Variants in PPA1 observed in about 807,000 individuals in gnomAD.
PPA1 encodes the protein inorganic pyrophosphatase.
In PPA1, 23 loss-of-function variants were observed where a neutral mutation model predicts 41.8. That is an observed-to-expected ratio of 0.55 (90% CI 0.40 to 0.78). PPA1 has a LOEUF of 0.78. Among genes scored for constraint, PPA1 ranks in the 30% least tolerant of loss-of-function variants. The pLI is 0.00. For missense variants in PPA1, 320 were observed against 361.6 expected, an observed-to-expected ratio of 0.89 and a Z score of 0.93; for synonymous variants, 101 against 116.8, an observed-to-expected ratio of 0.86 and a Z score of 0.87.
At chr10:70,203,779 AAGG>A (rs1478458516) in intron 10 of PPA1, 1 of 152,402 alleles carries the variant, frequency 6.6e-6, no homozygotes, top group Non-Finnish European at 1.5e-5. Flanking sequence ...TCTGACATCT[AAGG>A]AGGAGAGAAC....
chr10:70,216,955 T>C (rs1289553287), intron 4 of PPA1, among the ~76,000 whole-genome samples: 1 of 152,022 alleles, frequency 6.6e-6, no homozygotes, highest in African/African-American at 2.4e-5. Flanking sequence ...GGATCACAGG[T>C]CAGGAGATCG....
chr10:70,204,559 C>G (rs1839915707), intron 10 of PPA1: 1 of 242,272 alleles, frequency 4.1e-6, no homozygotes, highest in Admixed American at 5.4e-5. Flanking sequence ...TCAAAGGGTA[C>G]CAAGTTTTAG....
chr10:70,203,313 G>T (rs1179390251), intron 10 of PPA1, 127 bp from the exon 11 acceptor site: 3 of 822,000 alleles, frequency 3.6e-6, no homozygotes, highest in Non-Finnish European at 5.8e-6. Context: ...AAATTAACAG[G>T]CATACATACA....
intron 2 of PPA1, among the ~76,000 whole-genome samples, chr10:70,230,054 A>G (rs934710120): frequency 1.6e-4 from 25 of 152,046 alleles, no homozygotes; most frequent in African/African-American, 6.0e-4. Context: ...GACTACAGAC[A>G]CATGCCACCA....
intron 10 of PPA1, 77 bp downstream of exon 10, chr10:70,204,796 A>C (rs1839918921): frequency 8.6e-7 from 1 of 1,157,966 alleles, no homozygotes; most frequent in African/African-American, 1.6e-5. Context: ...ATCATTTGTC[A>C]ACTAAAAATA....
chr10:70,227,511 C>T (rs367587015), intron 2 of PPA1, among the ~76,000 whole-genome samples: 2 of 151,876 alleles, frequency 1.3e-5, no homozygotes, highest in African/African-American at 2.4e-5. Flanking sequence ...ATTAGCTGGG[C>T]GTGGTGGTGT....
intron 5 of PPA1, 21 bp from the exon 6 acceptor site, chr10:70,213,610 T>A: frequency 1.2e-6 from 2 of 1,612,678 alleles, no homozygotes; most frequent in Non-Finnish European, 1.7e-6. Context: ...ATAGCCAAAG[T>A]CAGGACAACA....
intron 2 of PPA1, among the ~76,000 whole-genome samples, chr10:70,229,745 C>T (rs548125265): frequency 7.9e-4 from 120 of 152,202 alleles, no homozygotes; most frequent in Non-Finnish European, 1.4e-3. Context: ...TGAAGTATTA[C>T]GACTTTAGTT....
chr10:70,232,639 A>T (rs1343624443), intron 1 of PPA1, among the ~76,000 whole-genome samples: 1 of 152,186 alleles, frequency 6.6e-6, no homozygotes, highest in Non-Finnish European at 1.5e-5. Flanking sequence ...TTTCTGTTTC[A>T]TAAGGAGCAT....
intron 2 of PPA1, among the ~76,000 whole-genome samples, chr10:70,223,792 A>AGG (rs1353296617): frequency 1.3e-5 from 2 of 152,196 alleles, no homozygotes; most frequent in Non-Finnish European, 2.9e-5. Context: ...CGTACTACCC[A>AGG]GTTACAAATT....
intron 2 of PPA1, among the ~76,000 whole-genome samples, chr10:70,225,942 T>C (rs1400111766): frequency 6.6e-6 from 1 of 152,200 alleles, no homozygotes; most frequent in African/African-American, 2.4e-5. Flanking sequence ...GACAGAAGTC[T>C]ATTTGAGAAG....
intron 8 of PPA1, among the ~76,000 whole-genome samples, chr10:70,207,935 G>GT (rs113844806): frequency 0.73 from 110,576 of 152,114 alleles, 40,844 homozygotes; most frequent in Non-Finnish European, 0.79. Context: ...GCTCACGCCT[G>GT]TAATCCCACC....
At chr10:70,220,444 ATG>A (rs150893453) in intron 2 of PPA1, among the ~76,000 whole-genome samples, 9 of 129,272 alleles carry the variant, frequency 7.0e-5, no homozygotes, top group Admixed American at 1.0e-4. Context: ...ATATGTATAT[ATG>A]TGTGTGTGTG....
At chr10:70,232,919 T>C (rs1351384046) in intron 1 of PPA1, among the ~76,000 whole-genome samples, 2 of 151,868 alleles carry the variant, frequency 1.3e-5, no homozygotes, top group African/African-American at 4.9e-5. Flanking sequence ...ATTATGTTAC[T>C]TCCAAGCACC....
rs1444460525 is a variant in PPA1, at chr10:70,226,525, TGG to T, written c.123+3814_123+3815del. 2.6e-5 allele frequency among the ~76,000 whole-genome samples: 4 copies of T among 151,548 alleles called. No individual in the cohort carries two copies. The East Asian group carries it at 7.8e-4, about 29-fold the overall frequency. On this transcript the variant is annotated intron_variant, in intron 2 of 10. Coordinates refer to ENST00000373232, the MANE Select transcript of PPA1 (RefSeq NM_021129.4). The stretch of plus-strand genomic sequence containing the variant: ...AGTGAGCCAAGATCACAGCACTGCA[TGG>T]GTGACAGAGTGAGACCCTGTCTTAA...
chr10:70,228,345 T>C (rs1840255082), intron 2 of PPA1, among the ~76,000 whole-genome samples: 1 of 152,168 alleles, frequency 6.6e-6, no homozygotes, highest in Admixed American at 6.5e-5. Context: ...ATCATTCTGG[T>C]CCTTGGTAGG....
intron 2 of PPA1, among the ~76,000 whole-genome samples, chr10:70,221,489 T>C (rs936320587): frequency 3.3e-5 from 5 of 152,136 alleles, no homozygotes; most frequent in Non-Finnish European, 5.9e-5. Flanking sequence ...TCTATCCCTG[T>C]TTCCCTCTAA....
In PPA1 at chr10:70,230,395, AT is replaced by A; in HGVS notation, c.68del (p.Asn23MetfsTer25). ...ATGGAGATATATATTGTCCTTTCTCATTTTCTGCAAAATAAATTAGAAAAAG... is the reference window on the plus strand; with the variant it reads ...ATGGAGATATATATTGTCCTTTCTCATTTCTGCAAAATAAATTAGAAAAAG... Reference protein sequence around the residue: ...FSLEYRVFLKNEKGQYISPFH... With the variant: ...FSLEYRVFLKXEKGQYISPFH... On this transcript the variant is annotated frameshift_variant, in exon 2 of 11. Transcript: ENST00000373232. LOFTEE classifies it high-confidence loss of function. 1 of 1,609,168 alleles carries A rather than the reference AT, an allele frequency of 6.2e-7. No individual in the cohort carries two copies.
At chr10:70,210,924 C>T (rs1840011080) in intron 6 of PPA1, among the ~76,000 whole-genome samples, 1 of 151,990 alleles carries the variant, frequency 6.6e-6, no homozygotes, top group African/African-American at 2.4e-5. Context: ...CACCACCATG[C>T]CTGGCTAATT....
Sources: allele counts gnomAD v4.1 joint callset (sites outside exome capture counted in the v4.1 genomes callset), GRCh38; gene constraint gnomAD v4.1.1; transcripts MANE v1.5; gene names NCBI Gene and HGNC (gene_info 2026-07-23, HGNC 2026-07-21).